The following MMP26 variants were observed in gnomAD, a reference collection of about 807,000 sequenced individuals.
The protein encoded by MMP26 is matrix metalloproteinase-26.
A neutral mutation model predicts 31.0 loss-of-function variants in MMP26; 33 were observed. The ratio of observed to expected loss-of-function variants is 1.06; its 90% confidence interval spans 0.81 to 1.42. The LOEUF (loss-of-function observed/expected upper bound fraction) is 1.42, where lower values mean the gene tolerates loss of function less well. Ranked by LOEUF, MMP26 falls within the 40% of genes most tolerant of loss-of-function variation. MMP26 has a pLI of 0.00. For synonymous variants in MMP26, 122 were observed against 114.9 expected, an observed-to-expected ratio of 1.06 and a Z score of -0.40; for missense variants, 347 against 316.1, an observed-to-expected ratio of 1.10 and a Z score of -0.74.
chr11:4,753,441 T>G (rs10836575), intron 1 of MMP26, among the ~76,000 whole-genome samples: 36,919 of 152,016 alleles, frequency 0.24, 5,049 homozygotes, highest in Middle Eastern at 0.35. Flanking sequence ...TCTTGTACTC[T>G]CATCATTTTG....
At chr11:4,847,973 A>C in intron 2 of MMP26, 1 of 428,060 alleles carries the variant, frequency 2.3e-6, no homozygotes, top group Non-Finnish European at 4.1e-6. Flanking sequence ...ACAGGCACAC[A>C]CTTGGATAGT....
At chr11:4,720,140 C>G (rs1415564513) in intron 1 of MMP26, among the ~76,000 whole-genome samples, 1 of 152,166 alleles carries the variant, frequency 6.6e-6, no homozygotes, top group Non-Finnish European at 1.5e-5. Context: ...TTGTCAGTAA[C>G]CGAACTGTAT....
chr11:4,804,273 G>A (rs373304913), intron 2 of MMP26: 88 of 1,613,890 alleles, frequency 5.5e-5, no homozygotes, highest in Non-Finnish European at 6.9e-5. Context: ...CAGCATACGT[G>A]GCACAGAACG....
At chr11:4,972,769 A>G (rs1846682103) in intron 2 of MMP26, among the ~76,000 whole-genome samples, 1 of 152,200 alleles carries the variant, frequency 6.6e-6, no homozygotes, top group Admixed American at 6.6e-5. Context: ...TTATTTACAT[A>G]AGAGTCCCAA....
At chr11:4,906,748 G>C (rs762725365) in intron 2 of MMP26, among the ~76,000 whole-genome samples, 3 of 152,122 alleles carry the variant, frequency 2.0e-5, no homozygotes, top group Non-Finnish European at 4.4e-5. Context: ...TCTTTTTACT[G>C]ATTCAAAGCA....
At chr11:4,803,605 A>T in intron 2 of MMP26, 1 of 1,614,098 alleles carries the variant, frequency 6.2e-7, no homozygotes, top group South Asian at 1.1e-5. Context: ...GAAAGAAAAA[A>T]GGGCTGGGAT....
chr11:4,929,305 A>C (rs539900857), intron 2 of MMP26, among the ~76,000 whole-genome samples: 1 of 152,264 alleles, frequency 6.6e-6, no homozygotes, highest in East Asian at 1.9e-4. Context: ...AGAGCTTGGC[A>C]AAAGAAAGTT....
chr11:4,855,337 A>C (rs1850034834), intron 2 of MMP26, among the ~76,000 whole-genome samples: 1 of 152,158 alleles, frequency 6.6e-6, no homozygotes, highest in South Asian at 2.1e-4. Flanking sequence ...AGATTAGATG[A>C]ATGGCTAACT....
At chr11:4,803,305 T>C (rs1849208566) in intron 2 of MMP26, 1 of 655,136 alleles carries the variant, frequency 1.5e-6, no homozygotes, top group African/African-American at 1.8e-5. Flanking sequence ...CTCTAGAGGG[T>C]TGCTTACCTC....
intron 1 of MMP26, among the ~76,000 whole-genome samples, chr11:4,713,148 A>G (rs554645060): frequency 1.3e-5 from 2 of 152,042 alleles, no homozygotes; most frequent in Non-Finnish European, 2.9e-5. Context: ...AAACTGCAAT[A>G]TATTAGGGAT....
intron 1 of MMP26, among the ~76,000 whole-genome samples, chr11:4,749,924 A>T (rs1848427481): frequency 6.6e-6 from 1 of 152,194 alleles, no homozygotes; most frequent in Non-Finnish European, 1.5e-5. Context: ...ACAAAAATAG[A>T]TAAAGGGGAC....
At chr11:4,981,526 C>G (rs1209911387) in intron 2 of MMP26, among the ~76,000 whole-genome samples, 2 of 152,054 alleles carry the variant, frequency 1.3e-5, no homozygotes, top group African/African-American at 4.8e-5. Flanking sequence ...TGGTAGGGCA[C>G]TTACTATAAA....
intron 2 of MMP26, among the ~76,000 whole-genome samples, chr11:4,799,914 A>T (rs1484625167): frequency 6.6e-6 from 1 of 152,266 alleles, no homozygotes; most frequent in Non-Finnish European, 1.5e-5. Context: ...TTTAGGGCAT[A>T]TACTGGTGCA....
intron 2 of MMP26, among the ~76,000 whole-genome samples, chr11:4,789,530 C>CTTTTTTTTTTTTTTTTTTTTTTTTT (rs71050429): frequency 1.5e-5 from 1 of 65,942 alleles, no homozygotes; most frequent in African/African-American, 5.4e-5. Flanking sequence ...TATCCCCCCA[C>CTTTTTTTTTTTTTTTTTTTTTTTTT]TTTTTTTTTT....
At chr11:4,708,327 C>T (rs1470302457) in intron 1 of MMP26, among the ~76,000 whole-genome samples, 1 of 152,158 alleles carries the variant, frequency 6.6e-6, no homozygotes, top group African/African-American at 2.4e-5. Context: ...GAACATTTTT[C>T]CTTCTTCTCA....
At chr11:4,744,023 A>T (rs1395382098) in intron 1 of MMP26, among the ~76,000 whole-genome samples, 8 of 151,732 alleles carry the variant, frequency 5.3e-5, no homozygotes. Context: ...CTGGTCTGAA[A>T]CTCCTGGACT....
At chr11:4,733,511 T>C (rs1415449809) in intron 1 of MMP26, among the ~76,000 whole-genome samples, 1 of 152,204 alleles carries the variant, frequency 6.6e-6, no homozygotes, top group Non-Finnish European at 1.5e-5. Flanking sequence ...TTGCTTTTTT[T>C]ATTTATCTCT....
chr11:4,803,308 C>A, intron 2 of MMP26: 1 of 683,242 alleles, frequency 1.5e-6, no homozygotes, highest in East Asian at 2.7e-5. Context: ...TAGAGGGTTG[C>A]TTACCTCTGA....
intron 5 of MMP26, 56 bp from the exon 6 acceptor site, chr11:4,991,315 C>G: frequency 6.3e-7 from 1 of 1,575,752 alleles, no homozygotes; most frequent in Non-Finnish European, 8.6e-7. Flanking sequence ...TAAGACTATT[C>G]TGGCCTTTGT....
Sources: gnomAD v4.1 joint callset for allele counts (sites outside exome capture counted in the v4.1 genomes callset) on GRCh38, gnomAD v4.1.1 for gene constraint, MANE v1.5 for transcripts, NCBI Gene and HGNC (gene_info 2026-07-23, HGNC 2026-07-21) for gene names.